TMEFF1: variants seen among roughly 807,000 people sequenced by gnomAD.
TMEFF1 encodes the protein tomoregulin-1.
In TMEFF1, 20 loss-of-function variants were observed where a neutral mutation model predicts 47.5. The ratio of observed to expected loss-of-function variants is 0.42; its 90% CI spans 0.30 to 0.61. The LOEUF (loss-of-function observed/expected upper bound fraction) is 0.61. Ranked by LOEUF, TMEFF1 falls within the 20% of genes least tolerant of loss-of-function variation. The pLI, the probability that TMEFF1 is intolerant of heterozygous loss-of-function variation, is 0.19. For synonymous variants in TMEFF1, 162 were observed against 166.3 expected (o/e 0.97, Z 0.20); for missense variants, 411 against 471.1 (o/e 0.87, Z 1.18).
intron 4 of TMEFF1, among the ~76,000 whole-genome samples, chr9:100,515,577 G>A (rs746850153): frequency 6.6e-6 from 1 of 152,038 alleles, no homozygotes; most frequent in Admixed American, 6.6e-5. Flanking sequence ...CACAAGGTCA[G>A]GAGTTCAAGA....
At chr9:100,540,339 A>G (rs1352365469) in intron 5 of TMEFF1, among the ~76,000 whole-genome samples, 6 of 152,240 alleles carry the variant, frequency 3.9e-5, no homozygotes, top group African/African-American at 1.4e-4. Flanking sequence ...AAAGTTCTCC[A>G]AGTCCCCACC....
intron 5 of TMEFF1, among the ~76,000 whole-genome samples, chr9:100,523,695 G>A (rs1838207496): frequency 1.3e-5 from 2 of 152,176 alleles, no homozygotes; most frequent in African/African-American, 4.8e-5. Flanking sequence ...TTACTATATT[G>A]AGAAGAAATG....
chr9:100,531,700 C>A (rs988910390), intron 5 of TMEFF1, among the ~76,000 whole-genome samples: 1 of 152,116 alleles, frequency 6.6e-6, no homozygotes, highest in Non-Finnish European at 1.5e-5. Context: ...CCCCATCAAG[C>A]TACCAATGCC....
chr9:100,513,393 CTTTTTTTTTT>C, intron 4 of TMEFF1, 60 bp downstream of exon 4: 3 of 1,233,864 alleles, frequency 2.4e-6, no homozygotes, highest in Non-Finnish European at 3.2e-6. Flanking sequence ...CTTTCTTTTT[CTTTTTTTTTT>C]TTTTTTTAAA....
intron 8 of TMEFF1, 148 bp from the exon 9 acceptor site, chr9:100,572,370 A>G: frequency 1.1e-6 from 1 of 877,590 alleles, no homozygotes; most frequent in Non-Finnish European, 1.6e-6. Flanking sequence ...GAAACATACA[A>G]ATGACATTTT....
intron 5 of TMEFF1, among the ~76,000 whole-genome samples, chr9:100,527,799 A>G (rs1838292989): frequency 6.6e-6 from 1 of 152,190 alleles, no homozygotes; most frequent in Non-Finnish European, 1.5e-5. Flanking sequence ...GGCACAGACA[A>G]ACAAAAAGAC....
intron 1 of TMEFF1, among the ~76,000 whole-genome samples, chr9:100,487,072 A>G (rs1472762624): frequency 1.3e-5 from 2 of 151,990 alleles, no homozygotes; most frequent in East Asian, 1.9e-4. Context: ...ATTGTTCACA[A>G]GTCAGCTCAA....
chr9:100,537,864 G>A (rs1481988062), intron 5 of TMEFF1, among the ~76,000 whole-genome samples: 1 of 151,970 alleles, frequency 6.6e-6, no homozygotes, highest in Non-Finnish European at 1.5e-5. Flanking sequence ...TTGTTTTCCA[G>A]AAATTAAATT....
chr9:100,474,473 T>C (rs1191823194), intron 1 of TMEFF1, among the ~76,000 whole-genome samples: 2 of 151,860 alleles, frequency 1.3e-5, no homozygotes, highest in Non-Finnish European at 2.9e-5. Flanking sequence ...GTGTGAAGCC[T>C]GGGGCTCAGT....
In TMEFF1 at chr9:100,473,607, C is replaced by G; in HGVS notation, c.63C>G (p.Cys21Trp). 6.4e-7 allele frequency: 1 copy of G among 1,558,194 alleles called. No homozygotes were observed. The highest frequency in any genetic ancestry group is 8.7e-7 in the Non-Finnish European group (1 of 1,152,916). Residue 21 changes from cysteine to tryptophan, a missense_variant, in exon 1 of 10, where the codon TGC becomes TGG. Cys to Trp is a radical substitution (Grantham distance 215). Coordinates refer to ENST00000374879, the MANE Select transcript of TMEFF1 (RefSeq NM_003692.5). This position sits in a 1 kb window ranked among gnomAD's most constrained non-coding sequence, Gnocchi z 5.4. ...CTGCCGCGCCTCCGCTCGCCTTCTGCTGCTACACGTCGGTGCTTCTGCTCT... is the reference window on the plus strand; with the variant it reads ...CTGCCGCGCCTCCGCTCGCCTTCTGGTGCTACACGTCGGTGCTTCTGCTCT... ...RLPAAPPLAF[C>W]CYTSVLLLFA...
At chr9:100,546,620 C>T (rs1015393700) in intron 5 of TMEFF1, among the ~76,000 whole-genome samples, 1 of 152,234 alleles carries the variant, frequency 6.6e-6, no homozygotes, top group Non-Finnish European at 1.5e-5. Context: ...TGACCTTTCT[C>T]TGTGCCTGTG....
intron 4 of TMEFF1, among the ~76,000 whole-genome samples, chr9:100,515,697 A>T (rs1333521941): frequency 1.3e-5 from 2 of 151,978 alleles, no homozygotes; most frequent in African/African-American, 2.4e-5. Context: ...GAGGCAGGAG[A>T]ATCACTTGAA....
At chr9:100,566,516 T>G (rs1418791019) in intron 8 of TMEFF1, among the ~76,000 whole-genome samples, 3 of 152,186 alleles carry the variant, frequency 2.0e-5, no homozygotes, top group Non-Finnish European at 4.4e-5. Flanking sequence ...CTGACTTCTC[T>G]TTCGTATCCA....
chr9:100,475,919 G>A (rs771636039), intron 1 of TMEFF1, among the ~76,000 whole-genome samples: 13 of 151,880 alleles, frequency 8.6e-5, no homozygotes, highest in Non-Finnish European at 1.8e-4. Context: ...TGAAGAGGAG[G>A]GGTGGGTGAC....
At position 100,486,108 on chromosome 9, in the gene TMEFF1, C is replaced by A. The variant is rs536179871; in HGVS notation, c.196+12368C>A. Among the ~76,000 whole-genome samples the A allele has an allele frequency of 6.8e-4, 103 of 151,710 alleles. 1 individual carries two copies. Among genetic ancestry groups the A allele is most frequent in the Non-Finnish European group, 1.4e-3 (93 of 67,958 alleles). ...ATTAAAAAAGGGAAAAAACCCACAC[C>A]TTTTTTCTTTGTTATAAGAGCAGTA... On this transcript the variant is annotated intron_variant, in intron 1 of 9. Transcript: ENST00000374879.
At chr9:100,490,837 G>T (rs1837536885) in intron 1 of TMEFF1, among the ~76,000 whole-genome samples, 1 of 2,858 alleles carries the variant, frequency 3.5e-4, no homozygotes, top group African/African-American at 5.2e-4. Flanking sequence ...TATATGTATG[G>T]TGTGTGTGTG....
intron 2 of TMEFF1, among the ~76,000 whole-genome samples, 171 bp from the exon 3 acceptor site, chr9:100,508,834 A>G (rs559222526): frequency 3.6e-4 from 55 of 151,910 alleles, no homozygotes; most frequent in African/African-American, 1.3e-3. Context: ...ATGAATGTGA[A>G]AAAAGGTATG....
intron 5 of TMEFF1, among the ~76,000 whole-genome samples, chr9:100,538,141 C>T (rs1282278787): frequency 1.3e-5 from 2 of 152,104 alleles, no homozygotes; most frequent in Non-Finnish European, 2.9e-5. Flanking sequence ...CAACCTCCGC[C>T]TCCTGGGTTC....
chr9:100,498,697 ACG>A, intron 1 of TMEFF1, 66 bp from the exon 2 acceptor site: 2 of 1,427,034 alleles, frequency 1.4e-6, no homozygotes, highest in South Asian at 2.4e-5. Context: ...ACACACACAC[ACG>A]CGCACAGACA....
Sources: allele counts gnomAD v4.1 joint callset (sites outside exome capture counted in the v4.1 genomes callset), GRCh38; gene constraint gnomAD v4.1.1; non-coding constraint Gnocchi (gnomAD v3.1); transcripts MANE v1.5; gene names NCBI Gene and HGNC (gene_info 2026-07-23, HGNC 2026-07-21).